The following PTPRT variants were observed in gnomAD, a reference collection of about 807,000 sequenced individuals.
PTPRT encodes protein tyrosine phosphatase receptor type T, also known as receptor-type tyrosine-protein phosphatase T.
PTPRT carries 56 observed loss-of-function variants against 176.8 expected under a neutral mutation model. The observed-to-expected ratio is 0.32, with a 90% confidence interval of 0.26 to 0.40. The LOEUF is 0.40. Among genes scored for constraint, PTPRT ranks in the 10% least tolerant of loss-of-function variants. PTPRT has a pLI of 1.00. For missense variants in PTPRT, 1,540 were observed against 1,908.2 expected, an observed-to-expected ratio of 0.81 and a Z score of 3.60; for synonymous variants, 783 against 739.0, an observed-to-expected ratio of 1.06 and a Z score of -0.96.
At chr20:42,520,916 T>C (rs1297467868) in intron 7 of PTPRT, among the ~76,000 whole-genome samples, 3 of 151,496 alleles carry the variant, frequency 2.0e-5, no homozygotes, top group African/African-American at 7.3e-5. Flanking sequence ...CAAACCCATA[T>C]CTATTTATCT....
At chr20:42,750,605 A>G (rs942435142) in intron 6 of PTPRT, among the ~76,000 whole-genome samples, 1 of 152,210 alleles carries the variant, frequency 6.6e-6, no homozygotes, top group African/African-American at 2.4e-5. Context: ...CTAGTATCAC[A>G]TTTCTTCTGA....
At chr20:42,364,022 T>C (rs1355032865) in intron 9 of PTPRT, among the ~76,000 whole-genome samples, 2 of 152,054 alleles carry the variant, frequency 1.3e-5, no homozygotes, top group Admixed American at 6.5e-5. Flanking sequence ...GAGTGCATCG[T>C]TGGGGGCACA....
chr20:42,240,048 G>A (rs2056323148), intron 14 of PTPRT, among the ~76,000 whole-genome samples: 2 of 152,170 alleles, frequency 1.3e-5, no homozygotes, highest in African/African-American at 4.8e-5. Flanking sequence ...TTTTTCTGCT[G>A]TCAACCTTCA....
intron 7 of PTPRT, among the ~76,000 whole-genome samples, chr20:42,665,395 A>G (rs941684124): frequency 3.3e-5 from 5 of 152,186 alleles, no homozygotes; most frequent in Non-Finnish European, 7.3e-5. Flanking sequence ...ACAATGAGAT[A>G]CCATCTCACA....
intron 11 of PTPRT, among the ~76,000 whole-genome samples, chr20:42,336,648 A>G (rs1447369274): frequency 6.6e-6 from 1 of 152,212 alleles, no homozygotes; most frequent in Non-Finnish European, 1.5e-5. Context: ...TTTGCTATTT[A>G]AAGGTACAAT....
intron 1 of PTPRT, among the ~76,000 whole-genome samples, chr20:42,957,794 C>G (rs1290107048): frequency 4.6e-5 from 7 of 152,170 alleles, no homozygotes; most frequent in Non-Finnish European, 1.0e-4. Context: ...TTTTATTCAT[C>G]TCTTCCATTA....
intron 1 of PTPRT, among the ~76,000 whole-genome samples, chr20:42,944,743 G>A (rs1039078177): frequency 3.3e-5 from 5 of 152,090 alleles, no homozygotes; most frequent in Non-Finnish European, 5.9e-5. Flanking sequence ...CCCAACTACC[G>A]TATATCAAGT....
intron 17 of PTPRT, among the ~76,000 whole-genome samples, chr20:42,143,751 T>A (rs1326283128): frequency 6.6e-6 from 1 of 152,086 alleles, no homozygotes; most frequent in Non-Finnish European, 1.5e-5. Flanking sequence ...TGGGAGGCAC[T>A]CCCAGGGAGT....
intron 1 of PTPRT, among the ~76,000 whole-genome samples, chr20:43,034,005 C>A (rs1244498002): frequency 6.6e-6 from 1 of 152,188 alleles, no homozygotes. Flanking sequence ...AAGGGGAAGA[C>A]TGAGGCTCAG....
intron 1 of PTPRT, among the ~76,000 whole-genome samples, chr20:43,149,068 T>C (rs1238388602): frequency 6.6e-6 from 1 of 152,248 alleles, no homozygotes. Context: ...AATTGTTTTC[T>C]CATGTAATTA....
At chr20:42,500,847 A>G (rs965362011) in intron 7 of PTPRT, among the ~76,000 whole-genome samples, 3 of 152,170 alleles carry the variant, frequency 2.0e-5, no homozygotes, top group Admixed American at 6.6e-5. Flanking sequence ...TAATTTTTCT[A>G]TTTTGTTTGA....
intron 2 of PTPRT, among the ~76,000 whole-genome samples, chr20:42,876,109 T>C (rs1349716390): frequency 6.6e-6 from 1 of 152,182 alleles, no homozygotes; most frequent in Non-Finnish European, 1.5e-5. Flanking sequence ...AATGGTGATA[T>C]TTAGGCTAAC....
chr20:43,167,080 G>A (rs978242847), intron 1 of PTPRT, among the ~76,000 whole-genome samples: 6 of 152,108 alleles, frequency 3.9e-5, no homozygotes, highest in African/African-American at 7.2e-5. Context: ...CAGCAGAGAG[G>A]GAGTGCCGTC....
chr20:43,155,525 A>G (rs908733397), intron 1 of PTPRT, among the ~76,000 whole-genome samples: 3 of 152,190 alleles, frequency 2.0e-5, no homozygotes, highest in Non-Finnish European at 4.4e-5. Context: ...ATTGGCTGGG[A>G]TGGTTAGCAG....
chr20:43,141,678 A>C (rs2014011914), intron 1 of PTPRT, among the ~76,000 whole-genome samples: 1 of 152,242 alleles, frequency 6.6e-6, no homozygotes, highest in African/African-American at 2.4e-5. Flanking sequence ...GGTAAGGGGA[A>C]GAATTAATGG....
intron 12 of PTPRT, among the ~76,000 whole-genome samples, chr20:42,294,933 G>T (rs994023561): frequency 6.6e-6 from 1 of 152,024 alleles, no homozygotes; most frequent in Non-Finnish European, 1.5e-5. Flanking sequence ...AAAGACAACA[G>T]AAATGAGATA....
At position 42,899,860 on chromosome 20, in the gene PTPRT, G is replaced by A. The variant is rs1274614595; in HGVS notation, c.89-13928C>T. On this transcript the variant is annotated intron_variant, in intron 1 of 30. Transcript: ENST00000373187. ...CTTTGTGACTTTGGATGAGTCAGAAGAAAATTTCTGAGCCTCCACTTCCTC... is the reference window on the plus strand; with the variant it reads ...CTTTGTGACTTTGGATGAGTCAGAAAAAAATTTCTGAGCCTCCACTTCCTC... 3.9e-5 allele frequency among the ~76,000 whole-genome samples: 6 copies of A among 152,184 alleles called. No homozygotes were observed. The East Asian group carries it at 1.2e-3, about 29-fold the overall frequency.
intron 1 of PTPRT, among the ~76,000 whole-genome samples, chr20:43,094,931 C>T (rs1388255683): frequency 1.3e-5 from 2 of 152,084 alleles, no homozygotes; most frequent in South Asian, 2.1e-4. Context: ...GGGTAGATTT[C>T]TAAGAGAAGG....
At chr20:42,630,900 T>TTC (rs1208069809) in intron 7 of PTPRT, among the ~76,000 whole-genome samples, 2 of 152,144 alleles carry the variant, frequency 1.3e-5, no homozygotes, top group African/African-American at 2.4e-5. Context: ...ACCACAGATA[T>TTC]TCTCTGAGTG....
Sources: gnomAD v4.1 joint callset for allele counts (sites outside exome capture counted in the v4.1 genomes callset) on GRCh38, gnomAD v4.1.1 for gene constraint, MANE v1.5 for transcripts, NCBI Gene and HGNC (gene_info 2026-07-23, HGNC 2026-07-21) for gene names.